The following AKT3 variants were observed in gnomAD, a reference collection of about 807,000 sequenced individuals.
AKT3 encodes the protein RAC-gamma serine/threonine-protein kinase.
In AKT3, 15 loss-of-function variants were observed where a neutral mutation model predicts 65.3. The observed-to-expected ratio is 0.23, with a 90% CI of 0.15 to 0.35. The LOEUF is 0.35. Among genes scored for constraint, AKT3 ranks in the 10% least tolerant of loss-of-function variants. The pLI is 1.00. For synonymous variants in AKT3, 206 were observed against 183.8 expected (o/e 1.12, Z -0.98); for missense variants, 243 against 576.5 (o/e 0.42, Z 5.92).
chr1:243,651,262 G>A (rs1050690272), intron 4 of AKT3, among the ~76,000 whole-genome samples: 6 of 152,122 alleles, frequency 3.9e-5, no homozygotes, highest in East Asian at 1.9e-4. Context: ...AGACTTTGCC[G>A]AAGTTGCATA....
intron 2 of AKT3, among the ~76,000 whole-genome samples, chr1:243,705,857 T>C (rs1685765528): frequency 1.3e-5 from 2 of 152,208 alleles, no homozygotes; most frequent in Non-Finnish European, 2.9e-5. Context: ...GCTTTCTTTT[T>C]AAAAATCTGT....
intron 8 of AKT3, among the ~76,000 whole-genome samples, chr1:243,592,493 C>CAG (rs1414655789): frequency 1.3e-5 from 2 of 151,658 alleles, no homozygotes; most frequent in African/African-American, 4.8e-5. Flanking sequence ...ACATGAAGCA[C>CAG]AGAGGAACAA....
chr1:243,583,145 C>A (rs1350776517), intron 8 of AKT3, among the ~76,000 whole-genome samples: 45 of 138,614 alleles, frequency 3.2e-4, no homozygotes, highest in African/African-American at 1.0e-3. Flanking sequence ...ATATATATAT[C>A]TCTCTCTTCC....
chr1:243,666,445 C>A (rs964815721), intron 3 of AKT3, among the ~76,000 whole-genome samples: 11 of 152,146 alleles, frequency 7.2e-5, no homozygotes, highest in African/African-American at 2.7e-4. Flanking sequence ...TTTCACCTTG[C>A]AGTTCTACTT....
At position 243,505,242 on chromosome 1, in the gene AKT3, A is replaced by G. The variant is rs543291675; in HGVS notation, c.*7T>C. ...AGATGACAGTGAAGTAGCAGAATGA[A>G]AGAGACTTATTCTCGTCCACTTGCA... On this transcript the variant is annotated 3_prime_UTR_variant, in exon 14 of 14. Coordinates refer to ENST00000673466, the MANE Select transcript of AKT3 (RefSeq NM_005465.7). 1.9e-5 allele frequency: 30 copies of G among 1,610,566 alleles called. No homozygotes were observed. In the South Asian group the frequency reaches 2.7e-4, roughly 15 times the overall value.
chr1:243,769,277 A>G (rs1307730920), intron 2 of AKT3, among the ~76,000 whole-genome samples: 2 of 152,196 alleles, frequency 1.3e-5, no homozygotes, highest in African/African-American at 2.4e-5. Context: ...ACAAACATTC[A>G]CATACAAGTT....
chr1:243,692,929 C>G (rs749024449), intron 3 of AKT3, among the ~76,000 whole-genome samples: 1 of 151,566 alleles, frequency 6.6e-6, no homozygotes, highest in African/African-American at 2.4e-5. Context: ...AGTGGTCACT[C>G]AATAATTTAT....
downstream of AKT3, among the ~76,000 whole-genome samples, chr1:243,496,548 G>C (rs192370541): frequency 1.3e-5 from 2 of 148,808 alleles, no homozygotes; most frequent in African/African-American, 2.6e-5. Flanking sequence ...GCGGACAGCA[G>C]GGGGGGAAGG....
chr1:243,512,228 GAA>G (rs769489326), intron 13 of AKT3, 94 bp downstream of exon 13: 91 of 639,406 alleles, frequency 1.4e-4, no homozygotes, highest in Non-Finnish European at 2.2e-4. Context: ...ATTTGATCTT[GAA>G]AATATCAGAT....
At chr1:243,661,216 A>T (rs1333055799) in intron 4 of AKT3, among the ~76,000 whole-genome samples, 23 of 151,992 alleles carry the variant, frequency 1.5e-4, no homozygotes, top group South Asian at 4.2e-4. Context: ...ACTTTAAAGT[A>T]CATATGGAAC....
At chr1:243,761,392 T>TA (rs1401575154) in intron 2 of AKT3, among the ~76,000 whole-genome samples, 2 of 151,916 alleles carry the variant, frequency 1.3e-5, no homozygotes, top group Non-Finnish European at 2.9e-5. Flanking sequence ...TAAAAGAAAA[T>TA]AAACCCTGAC....
intron 12 of AKT3, among the ~76,000 whole-genome samples, chr1:243,535,179 T>TAAAATATATTTAAAATTTA: frequency 6.7e-6 from 1 of 149,166 alleles, no homozygotes; most frequent in Non-Finnish European, 1.5e-5. Flanking sequence ...TTTAAAATTT[T>TAAAATATATTTAAAATTTA]AAAATAATTT....
intron 2 of AKT3, among the ~76,000 whole-genome samples, chr1:243,731,954 A>T (rs1687596195): frequency 6.6e-6 from 1 of 152,246 alleles, no homozygotes; most frequent in African/African-American, 2.4e-5. Flanking sequence ...AATTTCATTT[A>T]CCACCTTCAC....
chr1:243,660,264 G>C (rs867678549), intron 4 of AKT3, among the ~76,000 whole-genome samples: 3 of 152,184 alleles, frequency 2.0e-5, no homozygotes, highest in Admixed American at 1.3e-4. Flanking sequence ...TAGTTTATTT[G>C]CGTAGAGGTG....
chr1:243,595,265 T>C (rs921439427), intron 8 of AKT3, among the ~76,000 whole-genome samples: 7 of 152,076 alleles, frequency 4.6e-5, no homozygotes, highest in Non-Finnish European at 7.4e-5. Flanking sequence ...ACAGTAAAAA[T>C]ATGATATAGA....
chr1:243,637,554 C>G (rs962546462), intron 6 of AKT3, 57 bp downstream of exon 6: 287 of 1,437,474 alleles, frequency 2.0e-4, no homozygotes, highest in Non-Finnish European at 2.6e-4. Context: ...CATGAGCCCA[C>G]AAACACATGC....
chr1:243,554,222 AT>A (rs1232368124), intron 10 of AKT3, among the ~76,000 whole-genome samples: 16 of 152,292 alleles, frequency 1.1e-4, no homozygotes, highest in Admixed American at 7.2e-4. Context: ...ATAAGAAAAA[AT>A]ATGTTACTTA....
At chr1:243,563,923 T>G (rs1673974541) in intron 9 of AKT3, 75 bp from the exon 10 acceptor site, 2 of 1,428,418 alleles carry the variant, frequency 1.4e-6, no homozygotes, top group South Asian at 2.9e-5. Flanking sequence ...AAAAAACTAC[T>G]GAATGCTGAG....
chr1:243,574,757 C>A (rs978031311), intron 8 of AKT3, among the ~76,000 whole-genome samples: 7 of 152,062 alleles, frequency 4.6e-5, no homozygotes, highest in Middle Eastern at 3.2e-3. Context: ...TTCTGCCATG[C>A]AAAATATCAC....
Sources: gnomAD v4.1 joint callset for allele counts (sites outside exome capture counted in the v4.1 genomes callset) on GRCh38, gnomAD v4.1.1 for gene constraint, MANE v1.5 for transcripts, NCBI Gene and HGNC (gene_info 2026-07-23, HGNC 2026-07-21) for gene names.